ATAD3C: variants seen among roughly 807,000 people sequenced by gnomAD.
The protein encoded by ATAD3C is ATPase family AAA domain-containing protein 3C.
Under a neutral mutation model 46.3 loss-of-function variants are expected in ATAD3C, and 38 were observed. That is an observed-to-expected ratio of 0.82 (90% confidence interval 0.63 to 1.08). ATAD3C has a LOEUF of 1.08. Among genes scored for constraint, ATAD3C ranks in the 50% least tolerant of loss-of-function variants. The pLI is 0.00. For missense variants in ATAD3C, 563 were observed against 572.7 expected, an observed-to-expected ratio of 0.98 and a Z score of 0.17; for synonymous variants, 220 against 236.4, an observed-to-expected ratio of 0.93 and a Z score of 0.63.
rs747849727 is a variant in ATAD3C, at chr1:1,459,173, G to C, written c.754G>C (p.Glu252Gln). The change falls in exon 9 of 12, where the codon GAG (glutamate) becomes CAG (glutamine). Residue 252 changes from glutamate to glutamine, a missense_variant. Glu to Gln is a conservative substitution (Grantham distance 29, BLOSUM62 2). Around this residue, in one of 3 missense-constraint regions of ATAD3C, gnomAD observed 273 missense variants for 253.5 expected, o/e 1.08. Coordinates refer to ENST00000378785, the MANE Select transcript of ATAD3C (RefSeq NM_001039211.3). The surrounding 1 kb of genome is among the most constrained non-coding windows in gnomAD (Gnocchi z 4.9). ...LRKRATEKIS[E>Q]DLRATLNAFL... ...CTTCTCTCTGCAGGAGAAGATAAGCGAGGACCTCAGGGCCACACTGAACGC... is the reference window on the plus strand; with the variant it reads ...CTTCTCTCTGCAGGAGAAGATAAGCCAGGACCTCAGGGCCACACTGAACGC... 1.2e-6 allele frequency: 2 copies of C among 1,612,114 alleles called. No homozygotes were observed. The highest frequency in any genetic ancestry group is 1.7e-6 in the Non-Finnish European group (2 of 1,179,222).
chr1:1,458,725 G>A (rs1406887786), intron 8 of ATAD3C, among the ~76,000 whole-genome samples: 1 of 144,160 alleles, frequency 6.9e-6, no homozygotes, highest in East Asian at 2.4e-4. Context: ...GCCCAGTCAG[G>A]GTTTGTTTTT....
chr1:1,469,099 TAAAAAAAAAAAAAAAAAAAA>T lies in ATAD3C; in HGVS notation c.*587_*606del, dbSNP rs70949592. The stretch of plus-strand genomic sequence containing the variant: ...CAACATGGTGAAACTCCATCTCTCC[TAAAAAAAAAAAAAAAAAAAA>T]AAAAAAAAAAAAAAAAATTAGCCGG... On this transcript the variant is annotated 3_prime_UTR_variant, in exon 12 of 12. Coordinates refer to ENST00000378785, the MANE Select transcript of ATAD3C (RefSeq NM_001039211.3). 10 of 18,852 alleles carry T rather than the reference TAAAAAAAAAAAAAAAAAAAA, an allele frequency of 5.3e-4. No homozygotes were observed. Among genetic ancestry groups the T allele is most frequent in the Non-Finnish European group, 1.0e-3 (7 of 6,698 alleles). 1.2% of individuals were successfully genotyped at this position (18,852 alleles called of 1,614,324 possible). A position where few individuals can be genotyped will look rare whatever the true frequency, so the allele number is the denominator to read the frequency against.
At chr1:1,460,280 C>T (rs1432423550) in intron 9 of ATAD3C, among the ~76,000 whole-genome samples, 1 of 151,840 alleles carries the variant, frequency 6.6e-6, no homozygotes, top group Non-Finnish European at 1.5e-5. Flanking sequence ...TGGGGTTTCA[C>T]CATGTTAGTC....
rs1638837042 is a variant in ATAD3C, at chr1:1,450,570, T to C, written c.-114T>C. ...GATGGGGAGGCAGGGCTGGGGGCTT[T>C]GAGGTCGAGGCGTGGCCGTGGATTC... On this transcript the variant is annotated 5_prime_UTR_variant, in exon 1 of 12. It removes the in-frame stop codon of an upstream open reading frame in the 5' UTR. Coordinates refer to ENST00000378785, the MANE Select transcript of ATAD3C (RefSeq NM_001039211.3). 1 of 1,363,004 alleles carries C rather than the reference T, an allele frequency of 7.3e-7. No homozygotes were observed. The highest frequency in any genetic ancestry group is 1.3e-5 in the South Asian group (1 of 76,888). The allele number at this position is 1,363,004 out of a possible 1,614,324, so 84.4% of individuals were successfully genotyped here. A position where few individuals can be genotyped will look rare whatever the true frequency, so the allele number is the denominator to read the frequency against.
At position 1,462,434 on chromosome 1, in the gene ATAD3C, CCTGGCTTGCGT is replaced by C; in HGVS notation, c.981-164_981-154del. 2 of 718,300 alleles carry C rather than the reference CCTGGCTTGCGT, an allele frequency of 2.8e-6. No individual in the cohort carries two copies. Among genetic ancestry groups the C allele is most frequent in the Non-Finnish European group, 4.7e-6 (2 of 424,846 alleles). The allele number at this position is 718,300 out of a possible 1,614,324, so 44.5% of individuals were successfully genotyped here. A position where few individuals can be genotyped will look rare whatever the true frequency, so the allele number is the denominator to read the frequency against. ...CCGCCCCCTTCCTGCTCAGCCCAGG[CCTGGCTTGCGT>C]CAGGAAGGGGGCGGAACTTGGCTGT... On this transcript the variant is annotated intron_variant, in intron 10 of 11. Transcript: ENST00000378785. This position sits in a 1 kb window ranked among gnomAD's most constrained non-coding sequence, Gnocchi z 4.5.
chr1:1,453,615 G>A (rs1219350563), intron 3 of ATAD3C, among the ~76,000 whole-genome samples: 1 of 149,446 alleles, frequency 6.7e-6, no homozygotes, highest in East Asian at 2.0e-4. Flanking sequence ...GGGATTACAG[G>A]GATGAGCCAC....
chr1:1,467,599 C>T (rs1639165503), intron 11 of ATAD3C, among the ~76,000 whole-genome samples: 1 of 152,050 alleles, frequency 6.6e-6, no homozygotes, highest in South Asian at 2.1e-4. Context: ...AATCCTGCCT[C>T]TGGGAGGCAT....
chr1:1,467,117 A>G lies in ATAD3C; in HGVS notation c.1090-1267A>G, dbSNP rs187188647. Among the ~76,000 whole-genome samples the G allele has an allele frequency of 1.3e-4, 20 of 152,162 alleles. No individual in the cohort carries two copies. In the East Asian group the frequency reaches 3.1e-3, roughly 23 times the overall value. On this transcript the variant is annotated intron_variant, in intron 11 of 11. Transcript: ENST00000378785. ...GTCACTGTTGGACCCACCCGCGACC[A>G]GGTTTTGCCCCAGAATCCCACCCAG...
rs1369967433 is a variant in ATAD3C, at chr1:1,462,648, C to T, written c.1029C>T (p.Ile343=). 3.1e-6 allele frequency: 5 copies of T among 1,606,894 alleles called. No individual in the cohort carries two copies. The highest frequency in any genetic ancestry group is 4.5e-5 in the East Asian group (2 of 44,696). ...ACTACGGGAGGAAGTGCTTAGAGAT[C>T]GCTCGGCTGACAGAGGGCATGTCAT... ...QFDYGRKCLE[I]ARLTEGMSCR... The change falls in exon 11 of 12, where the codon ATC becomes ATT. Residue 343 remains isoleucine, a synonymous_variant. Coordinates refer to ENST00000378785, the MANE Select transcript of ATAD3C (RefSeq NM_001039211.3). This position sits in a 1 kb window ranked among gnomAD's most constrained non-coding sequence, Gnocchi z 4.5.
rs183668852 is a variant in ATAD3C at position 1,455,318 on chromosome 1, G to A, written c.379-142G>A. The A allele has an allele frequency of 8.5e-5, 103 of 1,213,972 alleles. No homozygotes were observed. In the African/African-American group the frequency reaches 1.0e-3, roughly 12 times the overall value. The allele number at this position is 1,213,972 out of a possible 1,614,324, so 75.2% of individuals were successfully genotyped here. On this transcript the variant is annotated intron_variant, in intron 4 of 11. Coordinates refer to ENST00000378785, the MANE Select transcript of ATAD3C (RefSeq NM_001039211.3). Reference sequence around the variant, plus strand: ...TGCAACAGACACCCAGTCTCCCGGCGGGGCGGGGTTCCAGCTCCAGGCCGG... The same window carrying A: ...TGCAACAGACACCCAGTCTCCCGGCAGGGCGGGGTTCCAGCTCCAGGCCGG...
Position 1,452,150 on chromosome 1 carries a change from C to T in ATAD3C, c.152+28C>T, listed in dbSNP as rs555995444. The T allele has an allele frequency of 9.7e-5, 156 of 1,610,818 alleles. 2 individuals carry two copies. Among genetic ancestry groups the T allele is most frequent in the Non-Finnish European group, 1.3e-4 (149 of 1,178,184 alleles). Reference sequence around the variant, plus strand: ...GAGCGCTGCCGAGGCCCGGGCCGGCCGCAGATGGAGCCCCCACAGGTGTGA... The same window carrying T: ...GAGCGCTGCCGAGGCCCGGGCCGGCTGCAGATGGAGCCCCCACAGGTGTGA... On this transcript the variant is annotated intron_variant, in intron 2 of 11. Transcript: ENST00000378785.
At chr1:1,457,621 A>AAAAAAAAC (rs1557778690) in intron 8 of ATAD3C, among the ~76,000 whole-genome samples, 1 of 150,690 alleles carries the variant, frequency 6.6e-6, no homozygotes, top group African/African-American at 2.5e-5. Flanking sequence ...AAAACAAAAA[A>AAAAAAAAC]AACAGCATTT....
chr1:1,454,992 G>C (rs952233974), intron 4 of ATAD3C, among the ~76,000 whole-genome samples: 1 of 151,362 alleles, frequency 6.6e-6, no homozygotes, highest in African/African-American at 2.4e-5. Context: ...AAGACAGGTG[G>C]ATCATGAGGT....
rs1041210608 is a variant in ATAD3C at position 1,455,323 on chromosome 1, G to A, written c.379-137G>A. ...CAGACACCCAGTCTCCCGGCGGGGC[G>A]GGGTTCCAGCTCCAGGCCGGTCCTG... On this transcript the variant is annotated intron_variant, in intron 4 of 11. Transcript: ENST00000378785. 152 of 1,277,136 alleles carry A rather than the reference G, an allele frequency of 1.2e-4. 1 individual carries two copies. Among genetic ancestry groups the A allele is most frequent in the Non-Finnish European group, 1.4e-4 (130 of 921,016 alleles). 79.1% of individuals were successfully genotyped at this position (1,277,136 alleles called of 1,614,324 possible).
chr1:1,458,307 C>G (rs1639000922), intron 8 of ATAD3C, among the ~76,000 whole-genome samples: 3 of 151,694 alleles, frequency 2.0e-5, no homozygotes, highest in Non-Finnish European at 2.9e-5. Context: ...AAGACAGGGT[C>G]TCTGTCGCCC....
At chr1:1,457,503 G>A (rs1178972114) in intron 8 of ATAD3C, among the ~76,000 whole-genome samples, 1 of 149,814 alleles carries the variant, frequency 6.7e-6, no homozygotes, top group African/African-American at 2.5e-5. Context: ...GGCTGAGGCA[G>A]GAGAATGGCG....
rs151049288 is a variant in ATAD3C, at chr1:1,455,283, C to T, written c.379-177C>T. On this transcript the variant is annotated intron_variant, in intron 4 of 11. Coordinates refer to ENST00000378785, the MANE Select transcript of ATAD3C (RefSeq NM_001039211.3). Reference sequence around the variant, plus strand: ...AAGCCGATAAGAAACCGGAAAATGCCCCCAATCCCTGCAACAGACACCCAG... The same window carrying T: ...AAGCCGATAAGAAACCGGAAAATGCTCCCAATCCCTGCAACAGACACCCAG... Among the ~76,000 whole-genome samples, 508 of 151,372 alleles carry T rather than the reference C, an allele frequency of 3.4e-3. 5 individuals carry two copies. The highest frequency in any genetic ancestry group is 0.011 in the African/African-American group (468 of 41,222).
chr1:1,456,994 G>A, intron 7 of ATAD3C, 135 bp from the exon 8 acceptor site: 1 of 1,248,334 alleles, frequency 8.0e-7, no homozygotes, highest in Non-Finnish European at 1.2e-6. Flanking sequence ...TCAGGTCCAG[G>A]ACTTAGGGCT....
rs1316952241 is a variant in ATAD3C at position 1,469,075 on chromosome 1, A to G, written c.*545A>G. On this transcript the variant is annotated 3_prime_UTR_variant, in exon 12 of 12. Transcript: ENST00000378785. ...TCGGGAGTTCCAGACCAGCCTGGCC[A>G]ACATGGTGAAACTCCATCTCTCCTA... is the stretch of plus-strand genomic sequence containing the variant. The G allele has an allele frequency of 1.6e-5, 2 of 124,714 alleles. No homozygotes were observed. Among genetic ancestry groups the G allele is most frequent in the African/African-American group, 2.9e-5 (1 of 33,924 alleles). 7.7% of individuals were successfully genotyped at this position (124,714 alleles called of 1,614,324 possible). A position where few individuals can be genotyped will look rare whatever the true frequency, so the allele number is the denominator to read the frequency against.
Sources: gnomAD v4.1 joint callset for allele counts (sites outside exome capture counted in the v4.1 genomes callset) on GRCh38, gnomAD v4.1.1 for gene constraint, gnomAD v4.1.1 regional missense constraint, Gnocchi (gnomAD v3.1) non-coding constraint, MANE v1.5 for transcripts, NCBI Gene and HGNC (gene_info 2026-07-23, HGNC 2026-07-21) for gene names.